CNTN5: variants seen among roughly 807,000 people sequenced by gnomAD.
CNTN5 encodes contactin 5.
A neutral mutation model predicts 129.1 loss-of-function variants in CNTN5; 77 were observed. The ratio of observed to expected loss-of-function variants is 0.60; its 90% CI spans 0.50 to 0.72. The LOEUF (loss-of-function observed/expected upper bound fraction) is 0.72, where lower values mean the gene tolerates loss of function less well. CNTN5 is among the 30% of genes least tolerant of loss of function. The probability of loss-of-function intolerance (pLI) is 0.00; values close to 1 mark genes in which losing one functional copy is unlikely to be tolerated. For synonymous variants in CNTN5, 509 were observed against 465.6 expected (o/e 1.09, Z -1.20); for missense variants, 1,478 against 1,328.8 (o/e 1.11, Z -1.75).
At chr11:100,104,637 G>A (rs1294237254) in intron 13 of CNTN5, among the ~76,000 whole-genome samples, 1 of 151,984 alleles carries the variant, frequency 6.6e-6, no homozygotes, top group African/African-American at 2.4e-5. Context: ...GGGTTATATC[G>A]ATTAATAGAT....
chr11:100,074,859 A>T (rs1397917880), intron 13 of CNTN5, among the ~76,000 whole-genome samples: 1 of 151,472 alleles, frequency 6.6e-6, no homozygotes, highest in African/African-American at 2.4e-5. Context: ...AAGCCAAAGG[A>T]TATCACAGGA....
intron 13 of CNTN5, among the ~76,000 whole-genome samples, chr11:100,080,370 A>C (rs1944313417): frequency 6.6e-6 from 1 of 152,160 alleles, no homozygotes; most frequent in Non-Finnish European, 1.5e-5. Flanking sequence ...CCCCCTGCTC[A>C]CTAAAGGAGC....
intron 1 of CNTN5, among the ~76,000 whole-genome samples, chr11:99,231,088 G>C (rs534320913): frequency 8.6e-5 from 13 of 151,948 alleles, no homozygotes; most frequent in African/African-American, 3.1e-4. Context: ...TGTCTTTTCT[G>C]TTTTGAATAG....
chr11:99,939,090 T>TA (rs939389274), intron 7 of CNTN5, among the ~76,000 whole-genome samples: 11 of 151,948 alleles, frequency 7.2e-5, no homozygotes, highest in African/African-American at 2.7e-4. Context: ...TTCTGTATTC[T>TA]AAAAAAAATT....
chr11:99,295,178 C>G (rs1864331421), intron 1 of CNTN5, among the ~76,000 whole-genome samples: 1 of 152,088 alleles, frequency 6.6e-6, no homozygotes, highest in African/African-American at 2.4e-5. Context: ...ATCCAGGATT[C>G]CCATAAACCG....
intron 3 of CNTN5, among the ~76,000 whole-genome samples, chr11:99,811,680 T>A (rs1946432975): frequency 6.6e-6 from 1 of 151,838 alleles, no homozygotes; most frequent in Non-Finnish European, 1.5e-5. Flanking sequence ...CCCAGGGTCA[T>A]TATATTAGGA....
At chr11:100,330,982 CAAT>C (rs1206986547) in intron 21 of CNTN5, among the ~76,000 whole-genome samples, 1 of 152,082 alleles carries the variant, frequency 6.6e-6, no homozygotes, top group Non-Finnish European at 1.5e-5. Context: ...CCTCATATCT[CAAT>C]AATAACATTG....
At chr11:99,916,329 T>C (rs1949789895) in intron 7 of CNTN5, among the ~76,000 whole-genome samples, 180 bp downstream of exon 7, 1 of 152,148 alleles carries the variant, frequency 6.6e-6, no homozygotes, top group South Asian at 2.1e-4. Flanking sequence ...TTAGACAGGA[T>C]ACTGAACTCC....
chr11:100,044,759 T>C (rs2137700592), intron 9 of CNTN5, among the ~76,000 whole-genome samples: 1 of 142,198 alleles, frequency 7.0e-6, no homozygotes, highest in Middle Eastern at 3.6e-3. Context: ...TTTGCAAATA[T>C]TTTATCCCAT....
intron 1 of CNTN5, among the ~76,000 whole-genome samples, chr11:99,314,486 T>C (rs1865252163): frequency 6.6e-6 from 1 of 152,096 alleles, no homozygotes; most frequent in South Asian, 2.1e-4. Context: ...AGTGACTATG[T>C]AAAGGCTAGT....
chr11:99,940,142 A>C (rs912852419), intron 7 of CNTN5, among the ~76,000 whole-genome samples: 1 of 152,156 alleles, frequency 6.6e-6, no homozygotes, highest in Non-Finnish European at 1.5e-5. Flanking sequence ...ACGCTAATAC[A>C]CATCTGCAAT....
chr11:99,968,494 A>G (rs978281938), intron 8 of CNTN5, among the ~76,000 whole-genome samples: 7 of 151,950 alleles, frequency 4.6e-5, no homozygotes, highest in African/African-American at 1.7e-4. Flanking sequence ...ACATTAGGTA[A>G]TTTGTCTGAG....
At chr11:100,294,388 A>T (rs1336200741) in intron 18 of CNTN5, among the ~76,000 whole-genome samples, 1 of 151,758 alleles carries the variant, frequency 6.6e-6, no homozygotes, top group Non-Finnish European at 1.5e-5. Flanking sequence ...GAAAAGAGAC[A>T]TGAGTTTATA....
intron 18 of CNTN5, among the ~76,000 whole-genome samples, chr11:100,293,972 A>C (rs1057196802): frequency 6.6e-6 from 1 of 151,674 alleles, no homozygotes; most frequent in Non-Finnish European, 1.5e-5. Flanking sequence ...GTAGAAAAAA[A>C]AATTATTTTT....
chr11:99,318,455 A>G (rs1338634809), intron 1 of CNTN5, among the ~76,000 whole-genome samples: 1 of 152,236 alleles, frequency 6.6e-6, no homozygotes, highest in Non-Finnish European at 1.5e-5. Flanking sequence ...GATTCATGTC[A>G]AAACAAAAAC....
chr11:100,178,293 A>G (rs199757589), intron 13 of CNTN5, among the ~76,000 whole-genome samples: 1 of 152,114 alleles, frequency 6.6e-6, no homozygotes, highest in East Asian at 1.9e-4. Context: ...TAAACATACC[A>G]TGCTCACTTT....
intron 3 of CNTN5, among the ~76,000 whole-genome samples, chr11:99,735,284 C>T (rs970490151): frequency 1.9e-4 from 29 of 152,256 alleles, no homozygotes; most frequent in African/African-American, 7.0e-4. Context: ...TAAATTATGT[C>T]CCAGTTCCTC....
At chr11:99,850,288 C>CATTTTCTAAATGA (rs1947831571) in intron 6 of CNTN5, among the ~76,000 whole-genome samples, 1 of 152,060 alleles carries the variant, frequency 6.6e-6, no homozygotes, top group Non-Finnish European at 1.5e-5. Flanking sequence ...TAGAAAGCTA[C>CATTTTCTAAATGA]ATTTTCTAAA....
intron 2 of CNTN5, among the ~76,000 whole-genome samples, chr11:99,367,254 A>G (rs536769030): frequency 2.2e-4 from 33 of 152,316 alleles, no homozygotes; most frequent in African/African-American, 7.7e-4. Flanking sequence ...CAAACAATTC[A>G]TAATTATGCT....
Sources: gnomAD v4.1 joint callset for allele counts (sites outside exome capture counted in the v4.1 genomes callset) on GRCh38, gnomAD v4.1.1 for gene constraint, MANE v1.5 for transcripts, NCBI Gene and HGNC (gene_info 2026-07-23, HGNC 2026-07-21) for gene names.